The following CNTNAP2 variants were observed in gnomAD, a reference collection of about 807,000 sequenced individuals.
CNTNAP2 encodes contactin-associated protein-like 2.
Under a neutral mutation model 155.2 loss-of-function variants are expected in CNTNAP2, and 98 were observed. The observed-to-expected ratio is 0.63, with a 90% CI of 0.54 to 0.75. The LOEUF is 0.75. CNTNAP2 is among the 30% of genes least tolerant of loss of function. The probability of loss-of-function intolerance (pLI) is 0.00; values close to 1 mark genes in which losing one functional copy is unlikely to be tolerated. For missense variants in CNTNAP2, 1,727 were observed against 1,688.1 expected (o/e 1.02, Z -0.40); for synonymous variants, 651 against 631.2 (o/e 1.03, Z -0.47).
At chr7:146,863,636 G>A (rs755446749) in intron 3 of CNTNAP2, among the ~76,000 whole-genome samples, 2 of 152,034 alleles carry the variant, frequency 1.3e-5, no homozygotes, top group Non-Finnish European at 2.9e-5. Flanking sequence ...TTAGTACTAT[G>A]CTATTTGCTT....
intron 1 of CNTNAP2, among the ~76,000 whole-genome samples, chr7:146,320,142 T>G (rs1158359813): frequency 9.9e-5 from 15 of 152,176 alleles, no homozygotes; most frequent in Admixed American, 8.5e-4. Flanking sequence ...TTGATGAGGA[T>G]TATATCATTA....
rs1007611353 is a variant in CNTNAP2, at chr7:148,420,156, A to G, written c.*4540A>G. On this transcript the variant is annotated 3_prime_UTR_variant, in exon 24 of 24. Transcript: ENST00000361727. ...GAGATGCAACATAGCAAAAGGACAG[A>G]GAAATTAGAATTTTTTGTGCAGAAA... is the stretch of plus-strand genomic sequence containing the variant. 6 of 152,214 alleles carry G rather than the reference A, an allele frequency of 3.9e-5. No homozygotes were observed. Among genetic ancestry groups the G allele is most frequent in the African/African-American group, 1.4e-4 (6 of 41,440 alleles). 9.4% of individuals were successfully genotyped at this position (152,214 alleles called of 1,614,324 possible). A position where few individuals can be genotyped will look rare whatever the true frequency, so the allele number is the denominator to read the frequency against.
intron 8 of CNTNAP2, among the ~76,000 whole-genome samples, chr7:147,144,806 A>T (rs1801668049): frequency 6.6e-6 from 1 of 152,176 alleles, no homozygotes; most frequent in Non-Finnish European, 1.5e-5. Flanking sequence ...AAAATAGAGA[A>T]TGTGAGCTGT....
chr7:147,568,948 C>T (rs1228641585), intron 12 of CNTNAP2, among the ~76,000 whole-genome samples: 2 of 152,126 alleles, frequency 1.3e-5, no homozygotes, highest in Admixed American at 6.6e-5. Context: ...TTCTCCATAA[C>T]TCCCTTTGCA....
chr7:146,863,369 C>G (rs1585127573), intron 3 of CNTNAP2, among the ~76,000 whole-genome samples: 1 of 152,044 alleles, frequency 6.6e-6, no homozygotes, highest in East Asian at 1.9e-4. Flanking sequence ...GAACTTTATT[C>G]AATTGAGATG....
At chr7:146,904,514 C>G (rs1434442170) in intron 3 of CNTNAP2, among the ~76,000 whole-genome samples, 1 of 152,166 alleles carries the variant, frequency 6.6e-6, no homozygotes, top group Admixed American at 6.5e-5. Context: ...CTCTGTCACC[C>G]AGGCTGGAGC....
At chr7:146,576,045 CCAA>C (rs1392774127) in intron 1 of CNTNAP2, among the ~76,000 whole-genome samples, 4 of 152,284 alleles carry the variant, frequency 2.6e-5, no homozygotes, top group Non-Finnish European at 2.9e-5. Context: ...CTGAAAGCAA[CCAA>C]CATCTGTTTG....
At position 146,870,918 on chromosome 7, in the gene CNTNAP2, G is replaced by A. The variant is rs148817296; in HGVS notation, c.402+31014G>A. 6.8e-3 allele frequency among the ~76,000 whole-genome samples: 1,037 copies of A among 152,208 alleles called. 8 individuals carry two copies. Among genetic ancestry groups the A allele is most frequent in the African/African-American group, 0.023 (954 of 41,552 alleles). ...AGGTGCTCAAATGTTTAGGAAAAAT[G>A]AATGCCAAAAATAGCTATATTGTTT... On this transcript the variant is annotated intron_variant, in intron 3 of 23. Transcript: ENST00000361727.
At chr7:146,375,295 G>C (rs977504444) in intron 1 of CNTNAP2, among the ~76,000 whole-genome samples, 2 of 152,174 alleles carry the variant, frequency 1.3e-5, no homozygotes, top group South Asian at 4.1e-4. Flanking sequence ...CATATTGCAG[G>C]AGTATGGACT....
intron 1 of CNTNAP2, among the ~76,000 whole-genome samples, chr7:146,322,590 C>CT (rs899382517): frequency 7.5e-6 from 1 of 132,494 alleles, no homozygotes; most frequent in Non-Finnish European, 1.6e-5. Context: ...TTTTTAGGGA[C>CT]TTTTTTTCTC....
chr7:147,022,086 G>C (rs2129246881), intron 3 of CNTNAP2, among the ~76,000 whole-genome samples: 1 of 151,968 alleles, frequency 6.6e-6, no homozygotes, highest in East Asian at 1.9e-4. Context: ...ACCCTATCTA[G>C]ACCTTCCGGA....
At chr7:146,785,461 T>G (rs187313296) in intron 2 of CNTNAP2, among the ~76,000 whole-genome samples, 2 of 152,350 alleles carry the variant, frequency 1.3e-5, no homozygotes, top group Admixed American at 1.3e-4. Flanking sequence ...TTTCTAAATG[T>G]GTGAACAAGT....
At chr7:148,089,165 A>G (rs755480108) in intron 15 of CNTNAP2, among the ~76,000 whole-genome samples, 1 of 151,994 alleles carries the variant, frequency 6.6e-6, no homozygotes, top group Non-Finnish European at 1.5e-5. Flanking sequence ...CAACACAATA[A>G]AGAGCACATA....
At chr7:147,235,683 G>C (rs1803785670) in intron 8 of CNTNAP2, among the ~76,000 whole-genome samples, 1 of 152,116 alleles carries the variant, frequency 6.6e-6, no homozygotes, top group African/African-American at 2.4e-5. Flanking sequence ...TTAACCCATG[G>C]GAGCCCCTTC....
rs112076188 is a variant in CNTNAP2, at chr7:146,492,304, G to A, written c.98-281967G>A. ...GAGTAACTAATACGATTTCCACAAT[G>A]TAAAAATAGAATTTGACAAGCCAAC... On this transcript the variant is annotated intron_variant, in intron 1 of 23. Transcript: ENST00000361727. Among the ~76,000 whole-genome samples, 908 of 152,064 alleles carry A rather than the reference G, an allele frequency of 6.0e-3. 8 individuals carry two copies. The highest frequency in any genetic ancestry group is 0.021 in the African/African-American group (852 of 41,510).
At chr7:147,962,779 G>T (rs2116844834) in intron 14 of CNTNAP2, among the ~76,000 whole-genome samples, 1 of 152,244 alleles carries the variant, frequency 6.6e-6, no homozygotes, top group South Asian at 2.1e-4. Context: ...CATCCAAAAA[G>T]CTTTGTAATA....
chr7:147,745,050 GA>G (rs893101216), intron 13 of CNTNAP2, among the ~76,000 whole-genome samples: 1 of 151,704 alleles, frequency 6.6e-6, no homozygotes, highest in Non-Finnish European at 1.5e-5. Context: ...ATTTCTGAGA[GA>G]AAAAAAAGAA....
chr7:146,607,131 GA>G (rs1409074773), intron 1 of CNTNAP2, among the ~76,000 whole-genome samples: 2 of 152,108 alleles, frequency 1.3e-5, no homozygotes, highest in African/African-American at 2.4e-5. Flanking sequence ...GATTAGTACT[GA>G]TGGGTCAGTC....
chr7:147,770,624 T>TA (rs1484809027), intron 13 of CNTNAP2, among the ~76,000 whole-genome samples: 1 of 152,120 alleles, frequency 6.6e-6, no homozygotes, highest in East Asian at 1.9e-4. Flanking sequence ...CACAATGATA[T>TA]AAAAATATCA....
Sources: allele counts gnomAD v4.1 joint callset (sites outside exome capture counted in the v4.1 genomes callset), GRCh38; gene constraint gnomAD v4.1.1; transcripts MANE v1.5; gene names NCBI Gene and HGNC (gene_info 2026-07-23, HGNC 2026-07-21).